Variants in TOGARAM2 observed in about 807,000 individuals in gnomAD.
TOGARAM2 encodes the protein TOG array regulator of axonemal microtubules 2, also known as TOG array regulator of axonemal microtubules protein 2.
A neutral mutation model predicts 93.3 loss-of-function variants in TOGARAM2; 85 were observed. The observed-to-expected ratio is 0.91, with a 90% CI of 0.76 to 1.09. The LOEUF (loss-of-function observed/expected upper bound fraction) is 1.09. Among genes scored for constraint, TOGARAM2 ranks in the 50% least tolerant of loss-of-function variants. The pLI, the probability that TOGARAM2 is intolerant of heterozygous loss-of-function variation, is 0.00. For missense variants in TOGARAM2, 1,277 were observed against 1,334.5 expected (o/e 0.96, Z 0.67); for synonymous variants, 593 against 552.8 (o/e 1.07, Z -1.02).
rs75200468 is a variant in TOGARAM2 at position 29,030,559 on chromosome 2, A to G, written c.2013-2375A>G. Among the ~76,000 whole-genome samples the G allele has an allele frequency of 3.2e-4, 49 of 151,850 alleles. No homozygotes were observed. In the East Asian group the frequency reaches 9.3e-3, roughly 29 times the overall value. ...GGTCTAAAGTCTCTCCAGATCTGCT[A>G]CTCCTCTCCATTCTGACCCATCCCT... On this transcript the variant is annotated intron_variant, in intron 14 of 19. Transcript: ENST00000379558.
At chr2:29,048,720 C>T (rs891421323) in intron 19 of TOGARAM2, 2 of 149,354 alleles carry the variant, frequency 1.3e-5, no homozygotes, top group African/African-American at 4.9e-5. Context: ...GTTCTGTCAC[C>T]CAGGCTGGAG....
chr2:28,969,205 C>T (rs1159026003), intron 1 of TOGARAM2, among the ~76,000 whole-genome samples: 3 of 152,218 alleles, frequency 2.0e-5, no homozygotes, highest in Non-Finnish European at 2.9e-5. Flanking sequence ...GCAAGGTTTG[C>T]AGTGCAGGCC....
intron 6 of TOGARAM2, among the ~76,000 whole-genome samples, chr2:29,009,817 C>T (rs55768509): frequency 0.076 from 11,452 of 151,374 alleles, 514 homozygotes; most frequent in African/African-American, 0.12. Context: ...GGAGCCTGAG[C>T]GGTGGTGGGT....
chr2:28,995,378 T>C (rs1672942967), intron 2 of TOGARAM2, among the ~76,000 whole-genome samples: 1 of 152,090 alleles, frequency 6.6e-6, no homozygotes, highest in Non-Finnish European at 1.5e-5. Context: ...CCAGATGAAA[T>C]GGGTGCTAGC....
chr2:29,021,645 G>A (rs954037379), intron 10 of TOGARAM2, among the ~76,000 whole-genome samples: 1 of 152,202 alleles, frequency 6.6e-6, no homozygotes, highest in African/African-American at 2.4e-5. Flanking sequence ...TCTTCCTCTA[G>A]CCATCTGCTC....
intron 19 of TOGARAM2, chr2:29,050,512 A>C (rs1019208860): frequency 6.6e-6 from 1 of 152,138 alleles, no homozygotes. Flanking sequence ...CCTTGATTTG[A>C]GTCTTGCTTT....
At chr2:29,000,893 T>C (rs1241057366) in intron 4 of TOGARAM2, among the ~76,000 whole-genome samples, 1 of 152,224 alleles carries the variant, frequency 6.6e-6, no homozygotes, top group African/African-American at 2.4e-5. Context: ...CTCCTAGAGC[T>C]GCCAGACCAA....
At chr2:28,995,637 T>A (rs1203785213) in intron 2 of TOGARAM2, among the ~76,000 whole-genome samples, 1 of 152,238 alleles carries the variant, frequency 6.6e-6, no homozygotes, top group African/African-American at 2.4e-5. Context: ...GAAAGAAAAA[T>A]CTACAAATCT....
chr2:29,007,534 C>A (rs1421048564), intron 6 of TOGARAM2, among the ~76,000 whole-genome samples: 1 of 152,128 alleles, frequency 6.6e-6, no homozygotes, highest in East Asian at 1.9e-4. Flanking sequence ...GTTTGTACTT[C>A]CGCTTCCTTC....
chr2:29,024,146 A>G lies in TOGARAM2; in HGVS notation c.1625A>G (p.Asn542Ser), dbSNP rs772171292. ...CTCTCTCCTCTCTCCAAGGTCACCA[A>G]CCTGCGGTCCAAGGTGTCTCACCTG... is the stretch of plus-strand genomic sequence containing the variant. ...VCLVVTGEVT[N>S]LRSKVSHLAI... Residue 542 changes from asparagine to serine, a missense_variant, in exon 13 of 20, where the codon AAC becomes AGC. By Grantham distance (46) the Asn-to-Ser change is conservative (BLOSUM62 1). Transcript: ENST00000379558. 9 of 1,573,544 alleles carry G rather than the reference A, an allele frequency of 5.7e-6. No individual in the cohort carries two copies. The highest frequency in any genetic ancestry group is 7.8e-6 in the Non-Finnish European group (9 of 1,159,348).
At chr2:29,051,604 A>T in intron 19 of TOGARAM2, 152 bp from the exon 20 acceptor site, 5 of 567,724 alleles carry the variant, frequency 8.8e-6, no homozygotes, top group Non-Finnish European at 1.2e-5. Context: ...AAGCTAACAC[A>T]TTTTCATAGG....
At chr2:29,011,550 T>C (rs1168420353) in intron 7 of TOGARAM2, 49 bp downstream of exon 7, 3 of 1,544,552 alleles carry the variant, frequency 1.9e-6, no homozygotes, top group Non-Finnish European at 2.6e-6. Context: ...CTCTCTACAT[T>C]CCTGGGCTGG....
At chr2:28,992,520 T>A (rs1672784872) in intron 1 of TOGARAM2, among the ~76,000 whole-genome samples, 1 of 152,126 alleles carries the variant, frequency 6.6e-6, no homozygotes, top group African/African-American at 2.4e-5. Flanking sequence ...CTGAGGAGGC[T>A]ACGGTGGGAA....
intron 1 of TOGARAM2, among the ~76,000 whole-genome samples, chr2:28,990,991 G>GGGT (rs1172157732): frequency 1.7e-5 from 2 of 119,812 alleles, no homozygotes; most frequent in Non-Finnish European, 3.3e-5. Flanking sequence ...GTGTGTGAAG[G>GGGT]GTGTGTGTGT....
rs373667686 is a variant in TOGARAM2 at position 29,017,911 on chromosome 2, A to G, written c.1315A>G (p.Ile439Val). ...KWASRASLPS[I>V]PISRQEPRFA... ...GGCCAGCCGGGCCTCCCTGCCCAGC[A>G]TCCCCATCAGCCGGCAGGAGCCCCG... Residue 439 changes from isoleucine (I) to valine (V), a missense_variant, in exon 10 of 20, where the codon ATC (isoleucine) becomes GTC (valine). By Grantham distance (29) the Ile-to-Val change is conservative. Transcript: ENST00000379558. The G allele has an allele frequency of 6.2e-7, 1 of 1,611,504 alleles. No individual in the cohort carries two copies. Among genetic ancestry groups the G allele is most frequent in the Admixed American group, 1.7e-5 (1 of 59,796 alleles).
chr2:28,972,515 C>G (rs928143078), intron 1 of TOGARAM2: 1 of 152,210 alleles, frequency 6.6e-6, no homozygotes, highest in African/African-American at 2.4e-5. Flanking sequence ...CACCTTCAGA[C>G]GCAGCCTCAG....
At chr2:29,023,903 C>CA (rs1416391032) in intron 12 of TOGARAM2, among the ~76,000 whole-genome samples, 1 of 152,222 alleles carries the variant, frequency 6.6e-6, no homozygotes, top group East Asian at 1.9e-4. Context: ...GCTTTGAAGA[C>CA]AGAGTGTACA....
At chr2:28,997,491 G>A (rs1412852202) in intron 2 of TOGARAM2, among the ~76,000 whole-genome samples, 1 of 152,200 alleles carries the variant, frequency 6.6e-6, no homozygotes, top group Non-Finnish European at 1.5e-5. Flanking sequence ...GTCTCACTGA[G>A]GACTGAGTCA....
intron 6 of TOGARAM2, among the ~76,000 whole-genome samples, chr2:29,010,664 C>T (rs1178873210): frequency 1.3e-5 from 2 of 151,942 alleles, no homozygotes; most frequent in Non-Finnish European, 2.9e-5. Flanking sequence ...CTGATGTCCA[C>T]CGAGAAGGGA....
Sources: allele counts gnomAD v4.1 joint callset (sites outside exome capture counted in the v4.1 genomes callset), GRCh38; gene constraint gnomAD v4.1.1; transcripts MANE v1.5; gene names NCBI Gene and HGNC (gene_info 2026-07-23, HGNC 2026-07-21).